The following FHIT variants were observed in gnomAD, a reference collection of about 807,000 sequenced individuals.
FHIT encodes the protein fragile histidine triad diadenosine triphosphatase, also known as bis(5'-adenosyl)-triphosphatase.
FHIT carries 19 observed loss-of-function variants against 17.9 expected under a neutral mutation model. That is an observed-to-expected ratio of 1.06 (90% CI 0.74 to 1.56). The LOEUF (loss-of-function observed/expected upper bound fraction) is 1.56. Ranked by LOEUF, FHIT falls within the 40% of genes most tolerant of loss-of-function variation. FHIT has a pLI of 0.00. For missense variants in FHIT, 248 were observed against 189.2 expected (o/e 1.31, Z -1.82); for synonymous variants, 81 against 69.7 (o/e 1.16, Z -0.81).
Position 60,824,333 on chromosome 3 carries a change from C to T in FHIT, c.-110-2322G>A, listed in dbSNP as rs563705344. ...TTGCAGGTAGAGATACGCCTGACTT[C>T]TTGATAGTACATAGAATTAAATTAG... On this transcript the variant is annotated intron_variant, in intron 3 of 9. Transcript: ENST00000492590. Among the ~76,000 whole-genome samples, 12 of 152,216 alleles carry T rather than the reference C, an allele frequency of 7.9e-5. No homozygotes were observed. In the South Asian group the frequency reaches 2.5e-3, roughly 32 times the overall value.
intron 5 of FHIT, among the ~76,000 whole-genome samples, chr3:60,519,535 C>G (rs1478386479): frequency 6.6e-6 from 1 of 152,004 alleles, no homozygotes; most frequent in Non-Finnish European, 1.5e-5. Context: ...ACTTGATTAA[C>G]AAATATTTTG....
chr3:60,157,975 G>C (rs1360024596), intron 5 of FHIT, among the ~76,000 whole-genome samples: 1 of 152,140 alleles, frequency 6.6e-6, no homozygotes, highest in Non-Finnish European at 1.5e-5. Flanking sequence ...TCCTTGTTCG[G>C]TTCCTGAAAG....
intron 5 of FHIT, among the ~76,000 whole-genome samples, chr3:60,510,134 T>G (rs528556532): frequency 6.6e-6 from 1 of 152,230 alleles, no homozygotes; most frequent in South Asian, 2.1e-4. Flanking sequence ...AAAACAAAGG[T>G]CAGGTATGAA....
intron 5 of FHIT, among the ~76,000 whole-genome samples, chr3:60,108,223 T>C (rs1704511806): frequency 6.6e-6 from 1 of 152,142 alleles, no homozygotes. Flanking sequence ...TGTTTTTACT[T>C]GGGTTGTATG....
intron 4 of FHIT, among the ~76,000 whole-genome samples, chr3:60,655,248 G>C (rs1040830296): frequency 1.3e-5 from 2 of 152,276 alleles, no homozygotes; most frequent in Admixed American, 6.5e-5. Context: ...GTGGGACTGG[G>C]AACTGTTACT....
chr3:60,069,053 A>C (rs1207769100), intron 5 of FHIT, among the ~76,000 whole-genome samples: 1 of 152,170 alleles, frequency 6.6e-6, no homozygotes, highest in Non-Finnish European at 1.5e-5. Context: ...AAAGCTCCAA[A>C]ACATACTCTG....
At chr3:60,376,445 TAA>T (rs1700565791) in intron 5 of FHIT, among the ~76,000 whole-genome samples, 5 of 152,194 alleles carry the variant, frequency 3.3e-5, no homozygotes, top group Admixed American at 3.3e-4. Context: ...AAATCAGTGG[TAA>T]AATGTGGTTG....
chr3:60,903,833 A>G (rs1706248485), intron 3 of FHIT, among the ~76,000 whole-genome samples: 1 of 152,192 alleles, frequency 6.6e-6, no homozygotes, highest in Non-Finnish European at 1.5e-5. Context: ...CCAATGAGGA[A>G]GTCAGGTTTT....
At chr3:60,447,148 C>T (rs1233200595) in intron 5 of FHIT, among the ~76,000 whole-genome samples, 6 of 152,044 alleles carry the variant, frequency 3.9e-5, no homozygotes, top group African/African-American at 1.4e-4. Context: ...CGGCTCAGCA[C>T]TCTATAGTTC....
At chr3:60,339,980 T>A (rs1380635567) in intron 5 of FHIT, among the ~76,000 whole-genome samples, 2 of 152,146 alleles carry the variant, frequency 1.3e-5, no homozygotes, top group African/African-American at 4.8e-5. Flanking sequence ...AACAGATGGG[T>A]TTTGACACCT....
intron 2 of FHIT, among the ~76,000 whole-genome samples, chr3:61,195,939 T>A (rs1345469664): frequency 2.0e-5 from 3 of 152,078 alleles, no homozygotes; most frequent in Non-Finnish European, 4.4e-5. Flanking sequence ...AGACAAAAAA[T>A]TTTATATTAA....
chr3:61,207,906 T>G (rs2039305194), intron 1 of FHIT, among the ~76,000 whole-genome samples: 1 of 152,212 alleles, frequency 6.6e-6, no homozygotes, highest in Non-Finnish European at 1.5e-5. Flanking sequence ...ATTGTGATGT[T>G]AGGGTGGCAC....
intron 4 of FHIT, among the ~76,000 whole-genome samples, chr3:60,574,640 C>T (rs560029556): frequency 6.6e-6 from 1 of 152,234 alleles, no homozygotes; most frequent in East Asian, 1.9e-4. Context: ...CACATCTTTA[C>T]ATTGACTACA....
chr3:59,938,642 A>G (rs2107258719), intron 7 of FHIT, among the ~76,000 whole-genome samples: 1 of 152,332 alleles, frequency 6.6e-6, no homozygotes, highest in South Asian at 2.1e-4. Context: ...CTATTTTACT[A>G]TTTTGTATAT....
intron 2 of FHIT, among the ~76,000 whole-genome samples, chr3:61,070,945 G>A (rs1270155967): frequency 6.6e-6 from 1 of 152,124 alleles, no homozygotes; most frequent in East Asian, 1.9e-4. Context: ...ATTTATTTAT[G>A]AACCAAATAA....
In FHIT at chr3:60,244,084, A is replaced by C. The variant is rs140814809; in HGVS notation, c.104-229932T>G. Reference sequence around the variant, plus strand: ...AGGTTAAAGATACCAGTTCCCATCAAGCCAGTATATATATTAAAAGTGGCT... The same window carrying C: ...AGGTTAAAGATACCAGTTCCCATCACGCCAGTATATATATTAAAAGTGGCT... On this transcript the variant is annotated intron_variant, in intron 5 of 9. Coordinates refer to ENST00000492590, the MANE Select transcript of FHIT (RefSeq NM_002012.4). 6.0e-4 allele frequency among the ~76,000 whole-genome samples: 91 copies of C among 152,262 alleles called. 1 individual carries two copies. Among genetic ancestry groups the C allele is most frequent in the African/African-American group, 2.0e-3 (84 of 41,562 alleles).
chr3:60,624,569 C>G (rs527718242), intron 4 of FHIT, among the ~76,000 whole-genome samples: 54 of 152,128 alleles, frequency 3.5e-4, no homozygotes, highest in Admixed American at 6.5e-4. Flanking sequence ...GTAAAATATT[C>G]AAGAAGGGTG....
intron 5 of FHIT, among the ~76,000 whole-genome samples, chr3:60,128,757 G>C (rs1699375971): frequency 6.6e-6 from 1 of 152,120 alleles, no homozygotes; most frequent in African/African-American, 2.4e-5. Flanking sequence ...ACATAGAAAT[G>C]ATATAGTCCA....
chr3:60,495,417 A>C (rs2034260416), intron 5 of FHIT, among the ~76,000 whole-genome samples: 1 of 151,724 alleles, frequency 6.6e-6, no homozygotes, highest in Non-Finnish European at 1.5e-5. Context: ...ACTATTCCAA[A>C]AAGTTTATGG....
Sources: gnomAD v4.1 joint callset for allele counts (sites outside exome capture counted in the v4.1 genomes callset) on GRCh38, gnomAD v4.1.1 for gene constraint, MANE v1.5 for transcripts, NCBI Gene and HGNC (gene_info 2026-07-23, HGNC 2026-07-21) for gene names.